Variants in SLC1A2 observed in about 807,000 individuals in gnomAD.
The protein encoded by SLC1A2 is excitatory amino acid transporter 2.
In SLC1A2, 15 loss-of-function variants were observed where a neutral mutation model predicts 48.8. That is an observed-to-expected ratio of 0.31 (90% CI 0.21 to 0.47). The LOEUF (loss-of-function observed/expected upper bound fraction) is 0.47. Ranked by LOEUF, SLC1A2 falls within the 20% of genes least tolerant of loss-of-function variation. SLC1A2 has a pLI of 0.99. For missense variants in SLC1A2, 502 were observed against 730.5 expected, an observed-to-expected ratio of 0.69 and a Z score of 3.61; for synonymous variants, 279 against 272.6, an observed-to-expected ratio of 1.02 and a Z score of -0.23.
At chr11:35,298,971 T>A (rs899786432) in intron 6 of SLC1A2, 1 of 152,230 alleles carries the variant, frequency 6.6e-6, no homozygotes, top group Non-Finnish European at 1.5e-5. Flanking sequence ...AAAATCCTAA[T>A]GTTTAAGCAA....
chr11:35,263,231 CG>C (rs1950423139), intron 10 of SLC1A2, among the ~76,000 whole-genome samples: 2 of 152,038 alleles, frequency 1.3e-5, no homozygotes, highest in Non-Finnish European at 1.5e-5. Flanking sequence ...CTTGGGAGGC[CG>C]AGGCAGGTGG....
chr11:35,331,423 C>A (rs1852421000), intron 1 of SLC1A2, among the ~76,000 whole-genome samples: 1 of 152,228 alleles, frequency 6.6e-6, no homozygotes, highest in South Asian at 2.1e-4. Context: ...TTGATCCCAG[C>A]AGTCCAGTCA....
At chr11:35,407,042 A>T (rs951267869) in intron 1 of SLC1A2, among the ~76,000 whole-genome samples, 2 of 152,122 alleles carry the variant, frequency 1.3e-5, no homozygotes, top group Non-Finnish European at 2.9e-5. Flanking sequence ...GAAAGAGAAG[A>T]ATTCCAACTA....
intron 9 of SLC1A2, among the ~76,000 whole-genome samples, chr11:35,270,410 T>G (rs1850249410): frequency 6.6e-6 from 1 of 152,236 alleles, no homozygotes; most frequent in Non-Finnish European, 1.5e-5. Flanking sequence ...TTCTTACACC[T>G]GTTAATAGCT....
chr11:35,332,973 T>C (rs749603213), intron 1 of SLC1A2, among the ~76,000 whole-genome samples: 7 of 152,218 alleles, frequency 4.6e-5, no homozygotes, highest in African/African-American at 7.2e-5. Flanking sequence ...CCCACTGAGC[T>C]AAACCTGGTG....
Position 35,315,117 on chromosome 11 carries a change from A to T in SLC1A2, c.216T>A (p.Pro72=). The T allele has an allele frequency of 6.2e-7, 1 of 1,612,778 alleles. No homozygotes were observed. The highest frequency in any genetic ancestry group is 8.5e-7 in the Non-Finnish European group (1 of 1,178,764). ...GGAAGGCTATTAACATAACCACATC[A>T]GGGTGGATGGGAGATGCCAAGCGAA... ...GLLRLASPIH[P]DVVMLIAFPG... Residue 72 remains proline (P), a synonymous_variant, in exon 3 of 11, where the codon CCT becomes CCA. Transcript: ENST00000278379.
At chr11:35,351,786 C>A (rs1167305750) in intron 1 of SLC1A2, among the ~76,000 whole-genome samples, 2 of 152,112 alleles carry the variant, frequency 1.3e-5, no homozygotes, top group African/African-American at 4.8e-5. Flanking sequence ...CAGGTGCATG[C>A]CACTACGCCC....
intron 7 of SLC1A2, among the ~76,000 whole-genome samples, chr11:35,289,368 C>T (rs1310719874): frequency 6.6e-6 from 1 of 152,048 alleles, no homozygotes; most frequent in East Asian, 1.9e-4. Flanking sequence ...GTACATGACT[C>T]ACGCCACATG....
rs973603658 is a variant in SLC1A2, at chr11:35,255,652, A to G, written c.*5242T>C. On this transcript the variant is annotated 3_prime_UTR_variant, in exon 11 of 11. Transcript: ENST00000278379. ...AATTGTGTGTTTTGGGTATTCAGAG[A>G]GGGCTCTGTTGCTACAGCAGCAATG... 1 of 152,206 alleles carries G rather than the reference A, an allele frequency of 6.6e-6. No homozygotes were observed. Among genetic ancestry groups the G allele is most frequent in the Non-Finnish European group, 1.5e-5 (1 of 68,034 alleles). 9.4% of individuals were successfully genotyped at this position (152,206 alleles called of 1,614,324 possible).
chr11:35,274,987 T>A (rs1850395186), intron 9 of SLC1A2, among the ~76,000 whole-genome samples: 2 of 152,222 alleles, frequency 1.3e-5, no homozygotes, highest in Non-Finnish European at 2.9e-5. Context: ...CTTCTCCGTC[T>A]CTAGTTCATT....
At chr11:35,357,602 C>T (rs754644280) in intron 1 of SLC1A2, among the ~76,000 whole-genome samples, 3 of 152,120 alleles carry the variant, frequency 2.0e-5, no homozygotes, top group Non-Finnish European at 4.4e-5. Flanking sequence ...AAGTCCAATT[C>T]CTGCAAAATA....
intron 1 of SLC1A2, chr11:35,380,279 G>A (rs1854379239): frequency 2.5e-6 from 1 of 398,236 alleles, no homozygotes; most frequent in Non-Finnish European, 4.4e-6. Context: ...GATGCTCTGG[G>A]TGGTTCGACT....
chr11:35,272,260 C>G (rs554282013), intron 9 of SLC1A2, among the ~76,000 whole-genome samples: 2 of 152,208 alleles, frequency 1.3e-5, no homozygotes, highest in Admixed American at 6.5e-5. Context: ...TGTATTCCAT[C>G]AATACAGAAG....
intron 9 of SLC1A2, chr11:35,280,641 A>G: frequency 4.2e-6 from 2 of 470,596 alleles, no homozygotes; most frequent in Non-Finnish European, 7.5e-6. Context: ...ACCTTGTGTC[A>G]TAATCTCTCT....
chr11:35,293,671 G>A (rs1484289363), intron 6 of SLC1A2, among the ~76,000 whole-genome samples: 2 of 152,162 alleles, frequency 1.3e-5, no homozygotes, highest in African/African-American at 4.8e-5. Context: ...GAAAGACTAT[G>A]GGGAGAATGA....
chr11:35,402,342 T>C (rs1855161718), intron 1 of SLC1A2, among the ~76,000 whole-genome samples: 1 of 152,156 alleles, frequency 6.6e-6, no homozygotes, highest in African/African-American at 2.4e-5. Context: ...CCTAATAATG[T>C]ACCCTCCATA....
intron 1 of SLC1A2, among the ~76,000 whole-genome samples, chr11:35,345,071 T>C (rs1476751302): frequency 2.0e-5 from 3 of 146,592 alleles, no homozygotes; most frequent in South Asian, 2.2e-4. Context: ...TAAAAAAAAA[T>C]AGTCCTTTTA....
intron 9 of SLC1A2, among the ~76,000 whole-genome samples, chr11:35,269,147 C>T (rs1298230525): frequency 1.3e-5 from 2 of 152,142 alleles, no homozygotes; most frequent in African/African-American, 4.8e-5. Context: ...ACTCCTTGGC[C>T]CTTCTACCAT....
chr11:35,333,553 A>G (rs1852506039), intron 1 of SLC1A2, among the ~76,000 whole-genome samples: 1 of 152,248 alleles, frequency 6.6e-6, no homozygotes, highest in Non-Finnish European at 1.5e-5. Flanking sequence ...CTTTATTGCT[A>G]AGCTAAATAA....
Sources: allele counts gnomAD v4.1 joint callset (sites outside exome capture counted in the v4.1 genomes callset), GRCh38; gene constraint gnomAD v4.1.1; transcripts MANE v1.5; gene names NCBI Gene and HGNC (gene_info 2026-07-23, HGNC 2026-07-21).